The following PPHLN1 variants were observed in gnomAD, a reference collection of about 807,000 sequenced individuals.
The protein encoded by PPHLN1 is periphilin 1.
A neutral mutation model predicts 51.3 loss-of-function variants in PPHLN1; 29 were observed. The observed-to-expected ratio is 0.57, with a 90% CI of 0.42 to 0.77. The LOEUF (loss-of-function observed/expected upper bound fraction) is 0.77. PPHLN1 is among the 30% of genes least tolerant of loss of function. The probability of loss-of-function intolerance (pLI) is 0.00; values close to 1 mark genes in which losing one functional copy is unlikely to be tolerated. For missense variants in PPHLN1, 436 were observed against 438.4 expected (o/e 0.99, Z 0.05); for synonymous variants, 147 against 147.8 (o/e 0.99, Z 0.04).
intron 9 of PPHLN1, among the ~76,000 whole-genome samples, chr12:42,414,012 G>A (rs543395439): frequency 1.5e-5 from 2 of 129,224 alleles, no homozygotes; most frequent in East Asian, 2.2e-4. Flanking sequence ...GAAAAATGAT[G>A]TTGGTGTTTT....
At chr12:42,411,756 T>C (rs2079854069) in intron 9 of PPHLN1, among the ~76,000 whole-genome samples, 2 of 147,680 alleles carry the variant, frequency 1.4e-5, no homozygotes, top group South Asian at 4.3e-4. Flanking sequence ...AAGACAAAAA[T>C]TAGCTGGGTA....
chr12:42,375,638 C>G (rs1351281291), intron 5 of PPHLN1, among the ~76,000 whole-genome samples: 2 of 151,920 alleles, frequency 1.3e-5, no homozygotes, highest in African/African-American at 4.8e-5. Flanking sequence ...GTGAAAACCT[C>G]TCTTACTCTT....
At chr12:42,377,129 A>G (rs576212898) in intron 5 of PPHLN1, among the ~76,000 whole-genome samples, 4 of 151,470 alleles carry the variant, frequency 2.6e-5, no homozygotes, top group East Asian at 1.9e-4. Context: ...CTTACCAGCT[A>G]TTGTTACTGT....
intron 2 of PPHLN1, among the ~76,000 whole-genome samples, chr12:42,350,809 C>A (rs1442813656): frequency 1.3e-5 from 2 of 152,064 alleles, no homozygotes; most frequent in African/African-American, 4.8e-5. Flanking sequence ...CCAAAAAATA[C>A]AAAAACCAGT....
intron 9 of PPHLN1, chr12:42,399,933 T>A (rs2078637492): frequency 6.6e-6 from 1 of 152,138 alleles, no homozygotes. Flanking sequence ...TTGGTACCTT[T>A]CAAGATACCA....
chr12:42,380,172 T>G (rs1462750854), intron 5 of PPHLN1, among the ~76,000 whole-genome samples: 1 of 152,094 alleles, frequency 6.6e-6, no homozygotes. Flanking sequence ...CTCTGTTAAT[T>G]CATTCTAAAC....
downstream of PPHLN1, chr12:42,444,721 A>C: frequency 3.5e-6 from 1 of 284,912 alleles, no homozygotes; most frequent in Non-Finnish European, 6.6e-6. Context: ...CTAGACCTTC[A>C]GATAGCACTC....
intron 1 of PPHLN1, among the ~76,000 whole-genome samples, chr12:42,330,250 C>G (rs935389500): frequency 2.6e-5 from 4 of 152,194 alleles, no homozygotes; most frequent in Non-Finnish European, 2.9e-5. Flanking sequence ...GGTTTTATAC[C>G]GAGACATTCC....
intron 9 of PPHLN1, among the ~76,000 whole-genome samples, chr12:42,426,216 A>ACACACACACACACG (rs2081464690): frequency 1.5e-5 from 2 of 135,058 alleles, no homozygotes; most frequent in East Asian, 2.2e-4. Context: ...ACACACACAC[A>ACACACACACACACG]CACACACACA....
intron 4 of PPHLN1, among the ~76,000 whole-genome samples, chr12:42,374,083 G>T (rs373758568): frequency 1.3e-5 from 2 of 152,126 alleles, no homozygotes; most frequent in African/African-American, 4.8e-5. Flanking sequence ...TGTCCTGGGG[G>T]TGGGTGGGCA....
intron 8 of PPHLN1, among the ~76,000 whole-genome samples, chr12:42,396,151 T>G (rs1328738431): frequency 1.3e-5 from 2 of 152,174 alleles, no homozygotes; most frequent in Non-Finnish European, 2.9e-5. Context: ...GGTTTTGATA[T>G]TTCAGCACTT....
intron 9 of PPHLN1, among the ~76,000 whole-genome samples, chr12:42,427,475 A>G (rs867032269): frequency 2.7e-4 from 41 of 152,348 alleles, no homozygotes; most frequent in Admixed American, 1.4e-3. Flanking sequence ...AAATACTTAC[A>G]GCCAACTGAT....
intron 1 of PPHLN1, 128 bp from the exon 2 acceptor site, chr12:42,335,755 C>G: frequency 6.2e-6 from 2 of 321,424 alleles, no homozygotes; most frequent in Non-Finnish European, 1.1e-5. Flanking sequence ...CTTTTGGTCA[C>G]TTTCATTTTT....
intron 3 of PPHLN1, 57 bp downstream of exon 3, chr12:42,352,106 T>C (rs985379048): frequency 1.5e-6 from 2 of 1,337,962 alleles, no homozygotes; most frequent in South Asian, 2.3e-5. Context: ...AAAATTAATG[T>C]AATTTAAAAA....
intron 1 of PPHLN1, among the ~76,000 whole-genome samples, chr12:42,327,986 C>T (rs919443517): frequency 6.6e-6 from 1 of 151,938 alleles, no homozygotes; most frequent in East Asian, 1.9e-4. Context: ...AAAGCATCCT[C>T]TCCCAGTTTT....
chr12:42,413,526 A>ATGTGTGTGTGTGTGTGTG (rs71084648), intron 9 of PPHLN1, among the ~76,000 whole-genome samples: 3 of 136,608 alleles, frequency 2.2e-5, no homozygotes, highest in East Asian at 2.1e-4. Context: ...ATATATGTAT[A>ATGTGTGTGTGTGTGTGTG]TGTGTGTGTG....
intron 7 of PPHLN1, among the ~76,000 whole-genome samples, chr12:42,392,504 G>T (rs1417312740): frequency 1.3e-5 from 2 of 152,150 alleles, no homozygotes; most frequent in African/African-American, 4.8e-5. Flanking sequence ...AGTAATAGAA[G>T]GTTTTTTAAG....
At chr12:42,444,801 TC>T, downstream of PPHLN1, 1 of 503,568 alleles carries the variant, frequency 2.0e-6, no homozygotes, top group South Asian at 2.7e-5. Context: ...ATCTAGTACT[TC>T]TGTAGTTATT....
At chr12:42,353,256 T>C (rs557163569) in intron 3 of PPHLN1, among the ~76,000 whole-genome samples, 4 of 152,342 alleles carry the variant, frequency 2.6e-5, no homozygotes, top group South Asian at 2.1e-4. Context: ...CAGTATTCCT[T>C]AGCTAGGTTG....
Sources: allele counts gnomAD v4.1 joint callset (sites outside exome capture counted in the v4.1 genomes callset), GRCh38; gene constraint gnomAD v4.1.1; transcripts MANE v1.5; gene names NCBI Gene and HGNC (gene_info 2026-07-23, HGNC 2026-07-21).